CUX1: variants seen among roughly 807,000 people sequenced by gnomAD.
CUX1 encodes cut like homeobox 1, also known as protein CASP.
CUX1 carries 31 observed loss-of-function variants against 158.8 expected under a neutral mutation model. That is an observed-to-expected ratio of 0.20 (90% confidence interval 0.15 to 0.26). The LOEUF is 0.26. Ranked by LOEUF, CUX1 falls within the 10% of genes least tolerant of loss-of-function variation. The probability of loss-of-function intolerance (pLI) is 1.00; values close to 1 mark genes in which losing one functional copy is unlikely to be tolerated. For missense variants in CUX1, 1,589 were observed against 2,014.6 expected (o/e 0.79, Z 4.04); for synonymous variants, 879 against 862.1 (o/e 1.02, Z -0.34).
At chr7:102,067,566 A>G (rs1825685478) in intron 3 of CUX1, among the ~76,000 whole-genome samples, 2 of 150,488 alleles carry the variant, frequency 1.3e-5, no homozygotes, top group Admixed American at 6.6e-5. Context: ...TATAATTAGG[A>G]AAAAAAAATA....
At chr7:102,233,465 G>A (rs1309985819) in intron 21 of CUX1, among the ~76,000 whole-genome samples, 3 of 151,956 alleles carry the variant, frequency 2.0e-5, no homozygotes, top group African/African-American at 7.3e-5. Context: ...GGGCCCTTCC[G>A]GCCACCGCAC....
At chr7:102,275,201 G>T (rs781806040) in intron 16 of CUX1, 35 of 1,468,440 alleles carry the variant, frequency 2.4e-5, no homozygotes, top group Non-Finnish European at 3.3e-5. Context: ...CGCCTGCTGG[G>T]TTCCACCTCC....
intron 8 of CUX1, among the ~76,000 whole-genome samples, chr7:102,136,529 T>C (rs1408668178): frequency 6.6e-6 from 1 of 152,106 alleles, no homozygotes; most frequent in East Asian, 1.9e-4. Flanking sequence ...ATAGCTGGGA[T>C]TACAGGCACC....
At chr7:102,101,418 G>C (rs1036665204) in intron 5 of CUX1, among the ~76,000 whole-genome samples, 2 of 152,186 alleles carry the variant, frequency 1.3e-5, no homozygotes. Flanking sequence ...CAGAAGGCCA[G>C]AGGCGCTAGG....
intron 4 of CUX1, among the ~76,000 whole-genome samples, chr7:102,089,588 C>T (rs954209821): frequency 6.6e-6 from 1 of 152,240 alleles, no homozygotes; most frequent in Non-Finnish European, 1.5e-5. Context: ...CAAGTGTGTC[C>T]TCTCTGGCTG....
intron 15 of CUX1, among the ~76,000 whole-genome samples, chr7:102,197,967 A>G (rs1308956830): frequency 1.3e-5 from 2 of 152,220 alleles, no homozygotes; most frequent in Non-Finnish European, 2.9e-5. Flanking sequence ...ATTTCAAAAA[A>G]TCCCAGCCGG....
Position 102,249,135 on chromosome 7 carries a change from C to A in CUX1, c.*93C>A. 8.6e-7 allele frequency: 1 copy of A among 1,167,848 alleles called. No individual in the cohort carries two copies. Among genetic ancestry groups the A allele is most frequent in the Non-Finnish European group, 1.1e-6 (1 of 946,024 alleles). 72.3% of individuals were successfully genotyped at this position (1,167,848 alleles called of 1,614,324 possible). ...GGCGCTGCGGACACCGTGGCCTGGG[C>A]TTGGCCCGCGGCCTGCACCGACCCC... On this transcript the variant is annotated 3_prime_UTR_variant, in exon 24 of 24. Transcript: ENST00000292535.
In CUX1 at chr7:102,257,417, C is replaced by T; in HGVS notation, c.*8375C>T. On this transcript the variant is annotated 3_prime_UTR_variant, in exon 24 of 24. Coordinates refer to ENST00000292535, the MANE Select transcript of CUX1 (RefSeq NM_181552.4). ...TCTCACGTACCCCCATCTGAGACCT[C>T]TTGGAAAAAAAAAATCCCGTGTATT... 6 of 984,256 alleles carry T rather than the reference C, an allele frequency of 6.1e-6. No individual in the cohort carries two copies. Among genetic ancestry groups the T allele is most frequent in the Non-Finnish European group, 7.2e-6 (6 of 829,722 alleles). 61.0% of individuals were successfully genotyped at this position (984,256 alleles called of 1,614,324 possible).
chr7:102,157,912 A>T (rs1554505790), intron 8 of CUX1, among the ~76,000 whole-genome samples: 1 of 152,186 alleles, frequency 6.6e-6, no homozygotes, highest in African/African-American at 2.4e-5. Flanking sequence ...CAGAACCTGG[A>T]CAATTGCTTT....
rs116829512 is a variant in CUX1 at position 102,235,118 on chromosome 7, C to T, written c.3622+878C>T. The stretch of plus-strand genomic sequence containing the variant: ...CCCCACGTGCACCCACATGTCATCT[C>T]GAATGTGGATTCATGTTCTTCTTGC... On this transcript the variant is annotated intron_variant, in intron 22 of 23. Transcript: ENST00000292535. 4.3e-3 allele frequency among the ~76,000 whole-genome samples: 650 copies of T among 152,314 alleles called. 3 individuals carry two copies. The highest frequency in any genetic ancestry group is 0.014 in the African/African-American group (599 of 41,568).
intron 14 of CUX1, among the ~76,000 whole-genome samples, chr7:102,264,008 T>C (rs1388877732): frequency 7.3e-6 from 1 of 136,902 alleles, no homozygotes; most frequent in Non-Finnish European, 1.6e-5. Flanking sequence ...TAACTTCTTT[T>C]TTTTTTTTTT....
chr7:102,097,918 T>C (rs1554484890), intron 5 of CUX1, among the ~76,000 whole-genome samples: 1 of 152,268 alleles, frequency 6.6e-6, no homozygotes, highest in East Asian at 1.9e-4. Context: ...CAGACACATC[T>C]TAAAGGCTGC....
chr7:101,877,375 C>T (rs751139757), intron 1 of CUX1, among the ~76,000 whole-genome samples: 64 of 152,310 alleles, frequency 4.2e-4, no homozygotes, highest in Non-Finnish European at 8.4e-4. Context: ...CACTCTTGTG[C>T]AAGTGGCTTT....
intron 20 of CUX1, chr7:102,281,730 T>C: frequency 1.4e-6 from 1 of 739,002 alleles, no homozygotes; most frequent in Admixed American, 2.0e-5. Context: ...CCCAGCTTCC[T>C]GTCCCTTCCC....
intron 2 of CUX1, among the ~76,000 whole-genome samples, chr7:101,931,045 G>A (rs1806232603): frequency 1.3e-5 from 2 of 152,286 alleles, no homozygotes; most frequent in African/African-American, 4.8e-5. Flanking sequence ...GCAGTGAGCC[G>A]AGATCACGCC....
chr7:102,161,673 C>T (rs1790442243), intron 9 of CUX1, among the ~76,000 whole-genome samples: 2 of 152,168 alleles, frequency 1.3e-5, no homozygotes, highest in African/African-American at 2.4e-5. Context: ...TGCAATGGCA[C>T]GATCTCAGCT....
chr7:101,991,623 G>A (rs1815143150), intron 2 of CUX1, among the ~76,000 whole-genome samples: 1 of 152,142 alleles, frequency 6.6e-6, no homozygotes, highest in Admixed American at 6.6e-5. Context: ...GCTGGACGTG[G>A]TGGTGTGCAC....
At chr7:102,125,072 G>A (rs1489321251) in intron 8 of CUX1, among the ~76,000 whole-genome samples, 4 of 152,102 alleles carry the variant, frequency 2.6e-5, no homozygotes, top group Non-Finnish European at 4.4e-5. Context: ...ATGAGCCACC[G>A]CGTCTGGCCC....
chr7:102,183,453 C>T (rs1317577333), intron 11 of CUX1, among the ~76,000 whole-genome samples: 2 of 152,134 alleles, frequency 1.3e-5, no homozygotes, highest in Non-Finnish European at 2.9e-5. Context: ...TTGGACTCAC[C>T]GTCCAGAGTC....
Sources: allele counts gnomAD v4.1 joint callset (sites outside exome capture counted in the v4.1 genomes callset), GRCh38; gene constraint gnomAD v4.1.1; transcripts MANE v1.5; gene names NCBI Gene and HGNC (gene_info 2026-07-23, HGNC 2026-07-21).